Variants in ARHGEF33 observed in about 807,000 individuals in gnomAD.
ARHGEF33 encodes the protein Rho guanine nucleotide exchange factor 33, also known as DH and coiled-coil domain-containing protein ENSP00000381780.
Under a neutral mutation model 101.9 loss-of-function variants are expected in ARHGEF33, and 72 were observed. That is an observed-to-expected ratio of 0.71 (90% CI 0.58 to 0.86). The LOEUF is 0.86. Among genes scored for constraint, ARHGEF33 ranks in the 40% least tolerant of loss-of-function variants. The probability of loss-of-function intolerance (pLI) is 0.00; values close to 1 mark genes in which losing one functional copy is unlikely to be tolerated. For synonymous variants in ARHGEF33, 499 were observed against 442.5 expected (o/e 1.13, Z -1.60); for missense variants, 1,169 against 1,111.3 (o/e 1.05, Z -0.74).
In ARHGEF33 at chr2:38,891,652, T is replaced by G. The variant is rs114757975; in HGVS notation, c.-159+1666T>G. On this transcript the variant is annotated intron_variant, in intron 1 of 17. Coordinates refer to ENST00000409978, the MANE Select transcript of ARHGEF33 (RefSeq NM_001145451.5). ...TGTTCAATATTTCTCTTTGTTTGGATTTTTATAAATGTAAGAATCTTTAAA... is the reference window on the plus strand; with the variant it reads ...TGTTCAATATTTCTCTTTGTTTGGAGTTTTATAAATGTAAGAATCTTTAAA... Among the ~76,000 whole-genome samples, 948 of 152,340 alleles carry G rather than the reference T, an allele frequency of 6.2e-3. 4 individuals carry two copies. The highest frequency in any genetic ancestry group is 0.01 in the Middle Eastern group (3 of 294).
Position 38,919,442 on chromosome 2 carries a change from G to C in ARHGEF33, c.-6G>C. On this transcript the variant is annotated 5_prime_UTR_variant, in exon 3 of 18. Transcript: ENST00000409978. ...AATAAGCTGGAGAAGAGAAGTAACC[G>C]GCACTATGGAAAAAACCAAAACAAA... 6.4e-7 allele frequency: 1 copy of C among 1,551,768 alleles called. No homozygotes were observed. Among genetic ancestry groups the C allele is most frequent in the Non-Finnish European group, 8.7e-7 (1 of 1,146,928 alleles).
chr2:38,939,811 C>T (rs1206910899), intron 9 of ARHGEF33, among the ~76,000 whole-genome samples: 2 of 152,192 alleles, frequency 1.3e-5, no homozygotes, highest in Non-Finnish European at 2.9e-5. Context: ...CCACTGCACC[C>T]AGCTGTCAAT....
At chr2:38,906,684 G>A (rs949752677) in intron 2 of ARHGEF33, among the ~76,000 whole-genome samples, 1 of 151,782 alleles carries the variant, frequency 6.6e-6, no homozygotes, top group African/African-American at 2.4e-5. Context: ...GATGAGACTC[G>A]GCTGGGTGCA....
At chr2:38,953,071 A>C in intron 11 of ARHGEF33, 91 bp from the exon 12 acceptor site, 1 of 687,124 alleles carries the variant, frequency 1.5e-6, no homozygotes. Flanking sequence ...AATCTCTGCA[A>C]AGTACTCTTC....
At chr2:38,954,510 G>T in intron 13 of ARHGEF33, 54 bp downstream of exon 13, 2 of 1,085,094 alleles carry the variant, frequency 1.8e-6, no homozygotes, top group Non-Finnish European at 2.8e-6. Flanking sequence ...GTAATTATTG[G>T]TTTTGGCTCC....
rs947143139 is a variant in ARHGEF33, at chr2:38,959,914, A to T, written c.1609A>T (p.Ser537Cys). The T allele has an allele frequency of 5.2e-6, 8 of 1,551,858 alleles. No individual in the cohort carries two copies. Among genetic ancestry groups the T allele is most frequent in the Non-Finnish European group, 6.1e-6 (7 of 1,146,934 alleles). Residue 537 changes from serine to cysteine, a missense_variant, in exon 16 of 18, where the codon AGT becomes TGT. By Grantham distance (112) the Ser-to-Cys change is moderately radical. Transcript: ENST00000409978. ...GGAGAGCATGCAGCCCGGGAAGCCC[A>T]GTGACTGGGAGCTGGAGGGCAGGAA... ...LMESMQPGKP[S>C]DWELEGRKHE...
Position 38,960,296 on chromosome 2 carries a change from T to G in ARHGEF33, c.1991T>G (p.Met664Arg). 6.5e-7 allele frequency: 1 copy of G among 1,546,188 alleles called. No individual in the cohort carries two copies. The highest frequency in any genetic ancestry group is 8.7e-7 in the Non-Finnish European group (1 of 1,146,058). Residue 664 changes from methionine to arginine, a missense_variant, in exon 16 of 18, where the codon ATG (methionine) becomes AGG (arginine). Met to Arg is a moderately conservative substitution (Grantham distance 91). Transcript: ENST00000409978. ...ICFLRPVSFA[M>R]EAERPEHPLQ... ...TTCCTGCGGCCCGTCAGCTTCGCCATGGAGGCCGAGCGGCCGGAGCACCCG... is the reference window on the plus strand; with the variant it reads ...TTCCTGCGGCCCGTCAGCTTCGCCAGGGAGGCCGAGCGGCCGGAGCACCCG...
rs142256955 is a variant in ARHGEF33 at position 38,897,822 on chromosome 2, C to A, written c.-86+1973C>A. On this transcript the variant is annotated intron_variant, in intron 2 of 17. Transcript: ENST00000409978. ...GACATTTGCACAAAATATTGAAGGA[C>A]GCTAGGAGTTTGACAGCTAGCCTGG... is the stretch of plus-strand genomic sequence containing the variant. Among the ~76,000 whole-genome samples the A allele has an allele frequency of 7.2e-5, 11 of 152,280 alleles. No homozygotes were observed. The South Asian group carries it at 1.5e-3, about 20-fold the overall frequency.
chr2:38,925,157 AT>A (rs1666843738), intron 4 of ARHGEF33, among the ~76,000 whole-genome samples: 1 of 152,210 alleles, frequency 6.6e-6, no homozygotes, highest in South Asian at 2.1e-4. Flanking sequence ...ATAGAACAAA[AT>A]AGAAGGAAAT....
Position 38,931,184 on chromosome 2 carries a change from T to A in ARHGEF33, c.438T>A (p.Asn146Lys), listed in dbSNP as rs1666993685. ...AAGGAAGTCCTTTTCGTTCTATCAA[T>A]ATCCCTGAGCCTGTTCTTCCAAGCG... Reference protein sequence around the residue: ...QAQGSPFRSINIPEPVLPSED... With the variant: ...QAQGSPFRSIKIPEPVLPSED... Residue 146 changes from asparagine (N) to lysine (K), a missense_variant, in exon 7 of 18, where the codon AAT (asparagine) becomes AAA (lysine). Transcript: ENST00000409978. 6.4e-7 allele frequency: 1 copy of A among 1,551,510 alleles called. No individual in the cohort carries two copies. Among genetic ancestry groups the A allele is most frequent in the Admixed American group, 2.0e-5 (1 of 50,980 alleles).
chr2:38,937,342 C>G lies in ARHGEF33; in HGVS notation c.573C>G (p.Asn191Lys). Residue 191 changes from asparagine to lysine, a missense_variant, in exon 9 of 18, where the codon AAC (asparagine) becomes AAG (lysine). Physicochemically the swap from Asn to Lys is moderately conservative, Grantham distance 94. Transcript: ENST00000409978. ...NVKGMMGPGV[N>K]PTTPEAEENL... ...CTCCCCCCACCCCACCAGGAGTGAA[C>G]CCAACAACTCCAGAAGCAGAAGAAA... 1 of 855,726 alleles carries G rather than the reference C, an allele frequency of 1.2e-6. No individual in the cohort carries two copies. The allele number at this position is 855,726 out of a possible 1,614,324, so 53.0% of individuals were successfully genotyped here.
At chr2:38,929,188 T>C (rs916611219) in intron 5 of ARHGEF33, 117 bp downstream of exon 5, 19 of 697,472 alleles carry the variant, frequency 2.7e-5, no homozygotes, top group Non-Finnish European at 3.9e-5. Flanking sequence ...CCCAGCACTT[T>C]GGGAGGCCGA....
chr2:38,944,785 G>A (rs1249426854), intron 10 of ARHGEF33, among the ~76,000 whole-genome samples: 2 of 152,054 alleles, frequency 1.3e-5, no homozygotes, highest in Non-Finnish European at 2.9e-5. Flanking sequence ...AGCACTCAGT[G>A]GCCATTAGAG....
chr2:38,958,313 A>C, intron 15 of ARHGEF33, 115 bp downstream of exon 15: 2 of 1,326,980 alleles, frequency 1.5e-6, no homozygotes, highest in Non-Finnish European at 2.0e-6. Flanking sequence ...TCAGGCCTAT[A>C]TGTGCCAACC....
Position 38,956,901 on chromosome 2 carries a change from C to T in ARHGEF33, c.1224C>T (p.Asn408=), listed in dbSNP as rs1013162138. The T allele has an allele frequency of 1.4e-5, 21 of 1,552,122 alleles. No homozygotes were observed. Among genetic ancestry groups the T allele is most frequent in the East Asian group, 1.2e-4 (5 of 40,940 alleles). The change falls in exon 14 of 18, where the codon AAC becomes AAT. Residue 408 remains asparagine, a splice_region_variant and synonymous_variant. Transcript: ENST00000409978. ...ACTTCCTTTTCCCCTCCATCCAGAA[C>T]GTCCTGAAGTTCACAGAGCAGGAGC... ...RIPEYLIHLQ[N]VLKFTEQEHP... is the part of the protein sequence containing the mutation.
chr2:38,900,679 C>G (rs73930374), intron 2 of ARHGEF33, among the ~76,000 whole-genome samples: 3,299 of 152,068 alleles, frequency 0.022, 134 homozygotes, highest in African/African-American at 0.072. Context: ...AGGAGCAGTC[C>G]CATAGGATAT....
chr2:38,895,571 C>T (rs1666102432), intron 1 of ARHGEF33, among the ~76,000 whole-genome samples: 1 of 152,056 alleles, frequency 6.6e-6, no homozygotes, highest in Admixed American at 6.5e-5. Context: ...TGCTCAATAC[C>T]AAGTGACTTA....
chr2:38,956,986 T>C lies in ARHGEF33; in HGVS notation c.1309T>C (p.Tyr437His). Reference sequence around the variant, plus strand: ...GCGCCTCCGAGTATTTATCTCACACTACACCCTGCTGTTTCAATGCAATGA... The same window carrying C: ...GCGCCTCCGAGTATTTATCTCACACCACACCCTGCTGTTTCAATGCAATGA... ...VQRLRVFISH[Y>H]TLLFQCNEDL... The change falls in exon 14 of 18, where the codon TAC becomes CAC. Residue 437 changes from tyrosine to histidine, a missense_variant. Tyr to His is a moderately conservative substitution (Grantham distance 83). Coordinates refer to ENST00000409978, the MANE Select transcript of ARHGEF33 (RefSeq NM_001145451.5). 1 of 1,552,240 alleles carries C rather than the reference T, an allele frequency of 6.4e-7. No homozygotes were observed. Among genetic ancestry groups the C allele is most frequent in the Non-Finnish European group, 8.7e-7 (1 of 1,147,106 alleles).
intron 2 of ARHGEF33, among the ~76,000 whole-genome samples, chr2:38,901,980 T>G (rs1666252663): frequency 6.6e-6 from 1 of 151,896 alleles, no homozygotes; most frequent in African/African-American, 2.4e-5. Context: ...CTGGGCGTGT[T>G]GGCGGGCGCC....
Sources: gnomAD v4.1 joint callset for allele counts (sites outside exome capture counted in the v4.1 genomes callset) on GRCh38, gnomAD v4.1.1 for gene constraint, MANE v1.5 for transcripts, NCBI Gene and HGNC (gene_info 2026-07-23, HGNC 2026-07-21) for gene names.